The following SLC13A3 variants were observed in gnomAD, a reference collection of about 807,000 sequenced individuals.
SLC13A3 encodes the protein solute carrier family 13 member 3.
A neutral mutation model predicts 59.0 loss-of-function variants in SLC13A3; 40 were observed. The ratio of observed to expected loss-of-function variants is 0.68; its 90% CI spans 0.53 to 0.88. The LOEUF (loss-of-function observed/expected upper bound fraction) is 0.88, where lower values mean the gene tolerates loss of function less well. SLC13A3 is among the 40% of genes least tolerant of loss of function. The pLI, the probability that SLC13A3 is intolerant of heterozygous loss-of-function variation, is 0.00. For missense variants in SLC13A3, 699 were observed against 783.2 expected (o/e 0.89, Z 1.28); for synonymous variants, 317 against 330.3 (o/e 0.96, Z 0.44).
chr20:46,613,300 GAAAT>G (rs11472968), intron 2 of SLC13A3, among the ~76,000 whole-genome samples, 156 bp downstream of exon 2: 2,635 of 146,150 alleles, frequency 0.018, 73 homozygotes, highest in African/African-American at 0.054. Context: ...AAATAGTAGA[GAAAT>G]AAATAAATAA....
intron 1 of SLC13A3, among the ~76,000 whole-genome samples, chr20:46,643,949 G>T (rs1040001162): frequency 6.6e-6 from 1 of 152,122 alleles, no homozygotes; most frequent in Middle Eastern, 3.2e-3. Flanking sequence ...GATGTGAGAG[G>T]ATCACTTGAG....
intron 1 of SLC13A3, among the ~76,000 whole-genome samples, chr20:46,683,330 T>G (rs2063162674): frequency 6.6e-6 from 1 of 152,210 alleles, no homozygotes; most frequent in Non-Finnish European, 1.5e-5. Context: ...TGCTGGTAGC[T>G]GTGCCAATAG....
chr20:46,595,348 G>A (rs182748973), intron 5 of SLC13A3, among the ~76,000 whole-genome samples: 69 of 152,190 alleles, frequency 4.5e-4, no homozygotes, highest in Non-Finnish European at 7.5e-4. Context: ...TTTTAGAGCA[G>A]GAGTGAAAGT....
intron 1 of SLC13A3, among the ~76,000 whole-genome samples, chr20:46,623,872 A>AG (rs1396518444): frequency 1.3e-5 from 2 of 152,222 alleles, no homozygotes; most frequent in Non-Finnish European, 2.9e-5. Flanking sequence ...GGAAAAGTCA[A>AG]GTAACTTGCC....
intron 7 of SLC13A3, among the ~76,000 whole-genome samples, chr20:46,588,582 A>C (rs904164572): frequency 3.3e-5 from 5 of 152,092 alleles, no homozygotes; most frequent in Non-Finnish European, 4.4e-5. Flanking sequence ...AGACAGAAAA[A>C]CACACAGTCT....
At chr20:46,677,691 A>T (rs1037359961) in intron 1 of SLC13A3, among the ~76,000 whole-genome samples, 1 of 152,150 alleles carries the variant, frequency 6.6e-6, no homozygotes, top group African/African-American at 2.4e-5. Context: ...TGCAAATTCA[A>T]TGCTCTCAGG....
At chr20:46,576,259 A>G (rs1450916216) in intron 9 of SLC13A3, among the ~76,000 whole-genome samples, 2 of 152,210 alleles carry the variant, frequency 1.3e-5, no homozygotes, top group Admixed American at 6.5e-5. Flanking sequence ...TTGTAGCATG[A>G]AAACAGCCAG....
chr20:46,565,207 T>C (rs111871488), intron 11 of SLC13A3, among the ~76,000 whole-genome samples: 3,369 of 152,322 alleles, frequency 0.022, 59 homozygotes, highest in Middle Eastern at 0.085. Context: ...CATTTTGCTA[T>C]TTGCATTTCT....
intron 12 of SLC13A3, among the ~76,000 whole-genome samples, chr20:46,562,442 C>T (rs1257354293): frequency 1.3e-5 from 2 of 152,160 alleles, no homozygotes; most frequent in African/African-American, 4.8e-5. Context: ...CTGGCGGCTT[C>T]CCATGATCAT....
intron 5 of SLC13A3, among the ~76,000 whole-genome samples, chr20:46,592,954 G>C (rs987900497): frequency 1.3e-5 from 2 of 152,184 alleles, no homozygotes; most frequent in Non-Finnish European, 2.9e-5. Flanking sequence ...TTTAAATGTT[G>C]ACAATTCATG....
At chr20:46,606,653 G>A (rs1235216601) in intron 3 of SLC13A3, among the ~76,000 whole-genome samples, 2 of 152,192 alleles carry the variant, frequency 1.3e-5, no homozygotes, top group African/African-American at 4.8e-5. Flanking sequence ...GCAGCGAGCT[G>A]AATGCACCAC....
At position 46,604,833 on chromosome 20, in the gene SLC13A3, C is replaced by G. The variant is rs758262750; in HGVS notation, c.542-4796G>C. ...GTAGGAAGCGAGGGACTATTAATAG[C>G]ACACTAAGGTTGGGGGCAAAGTTGC... On this transcript the variant is annotated intron_variant, in intron 3 of 12. Transcript: ENST00000279027. Among the ~76,000 whole-genome samples, 38 of 152,196 alleles carry G rather than the reference C, an allele frequency of 2.5e-4. 1 individual carries two copies. Among genetic ancestry groups the G allele is most frequent in the Non-Finnish European group, 1.5e-4 (10 of 68,032 alleles).
At chr20:46,596,543 G>C (rs1378995350) in intron 4 of SLC13A3, among the ~76,000 whole-genome samples, 1 of 152,106 alleles carries the variant, frequency 6.6e-6, no homozygotes, top group East Asian at 1.9e-4. Context: ...TCTCAGGTGT[G>C]GGTACAAGGG....
At chr20:46,647,833 C>G (rs1162813296) in intron 1 of SLC13A3, among the ~76,000 whole-genome samples, 2 of 152,164 alleles carry the variant, frequency 1.3e-5, no homozygotes, top group Non-Finnish European at 2.9e-5. Context: ...ACCCAGGCCC[C>G]AAAGAGGGGT....
At chr20:46,648,913 T>TCA (rs1385355219) in intron 1 of SLC13A3, among the ~76,000 whole-genome samples, 2 of 138,030 alleles carry the variant, frequency 1.4e-5, no homozygotes, top group African/African-American at 3.3e-5. Flanking sequence ...TCTCTCTCTC[T>TCA]CTCACACACA....
chr20:46,662,043 T>C (rs541771581), intron 1 of SLC13A3, among the ~76,000 whole-genome samples: 2 of 152,310 alleles, frequency 1.3e-5, no homozygotes, highest in Admixed American at 1.3e-4. Flanking sequence ...GAAGCTCTCA[T>C]GTTATTGAAA....
intron 1 of SLC13A3, among the ~76,000 whole-genome samples, chr20:46,641,483 G>A: frequency 6.6e-6 from 1 of 152,184 alleles, no homozygotes; most frequent in East Asian, 1.9e-4. Context: ...AGAGTGATTT[G>A]TGGGATGAAG....
Position 46,584,334 on chromosome 20 carries a change from G to C in SLC13A3, c.1122-665C>G, listed in dbSNP as rs915436864. ...CATACAAATACAACCAAGATACCCT[G>C]TAAATTGTATTTTTAAAGTTTTTAT... On this transcript the variant is annotated intron_variant, in intron 8 of 12. Transcript: ENST00000279027. 3.0e-6 allele frequency: 3 copies of C among 985,268 alleles called. No homozygotes were observed. In the African/African-American group the frequency reaches 5.2e-5, roughly 17 times the overall value. 61.0% of individuals were successfully genotyped at this position (985,268 alleles called of 1,614,324 possible). A position where few individuals can be genotyped will look rare whatever the true frequency, so the allele number is the denominator to read the frequency against.
Position 46,583,588 on chromosome 20 carries a change from C to T in SLC13A3, c.1203G>A (p.Trp401Ter). The T allele has an allele frequency of 6.2e-7, 1 of 1,613,858 alleles. No individual in the cohort carries two copies. The highest frequency in any genetic ancestry group is 8.5e-7 in the Non-Finnish European group (1 of 1,179,972). The change falls in exon 9 of 13, where the codon TGG (tryptophan) becomes TGA (stop). Residue 401 changes from tryptophan to a stop codon, truncating the protein, a stop_gained. Transcript: ENST00000279027. LOFTEE classifies it high-confidence loss of function. ...FFPSQRPSLK[W>*]WFDFKAPNTE... ...CCACCTTACCTTTGAAGTCAAACCA[C>T]CACTTGAGAGAGGGCCTTTGGGACG...
Sources: gnomAD v4.1 joint callset for allele counts (sites outside exome capture counted in the v4.1 genomes callset) on GRCh38, gnomAD v4.1.1 for gene constraint, MANE v1.5 for transcripts, NCBI Gene and HGNC (gene_info 2026-07-23, HGNC 2026-07-21) for gene names.